The following ZFP30 variants were observed in gnomAD, a reference collection of about 807,000 sequenced individuals.
The protein encoded by ZFP30 is ZFP30 zinc finger protein, also known as zinc finger protein 30 homolog.
A neutral mutation model predicts 12.3 loss-of-function variants in ZFP30; 16 were observed. The observed-to-expected ratio is 1.30, with a 90% CI of 0.88 to 1.98. The LOEUF (loss-of-function observed/expected upper bound fraction) is 1.98. ZFP30 is among the 30% of genes most tolerant of loss of function. ZFP30 has a pLI of 0.00. For missense variants in ZFP30, 560 were observed against 611.2 expected, an observed-to-expected ratio of 0.92 and a Z score of 0.88; for synonymous variants, 172 against 201.0, an observed-to-expected ratio of 0.86 and a Z score of 1.22.
rs1170400053 is a variant in ZFP30 at position 37,635,494 on chromosome 19, A to C, written c.1047T>G (p.Thr349=). ...CCTTACAATCATAAGGCTTCTCACC[A>C]GTGTGAATTCTCTGATGGAGAGTAA... ...QQLTLHQRIH[T]GEKPYDCKEC... The change falls in exon 6 of 6, where the codon ACT becomes ACG. Residue 349 remains threonine, a synonymous_variant. Transcript: ENST00000684514. The C allele has an allele frequency of 6.2e-7, 1 of 1,613,984 alleles. No individual in the cohort carries two copies. The highest frequency in any genetic ancestry group is 1.3e-5 in the African/African-American group (1 of 74,902).
chr19:37,638,237 G>A (rs1407871076), intron 5 of ZFP30, among the ~76,000 whole-genome samples: 1 of 152,152 alleles, frequency 6.6e-6, no homozygotes, highest in Non-Finnish European at 1.5e-5. Flanking sequence ...GGTAATAAGA[G>A]TCTCTAAATA....
At chr19:37,640,613 G>A (rs1271962633) in intron 5 of ZFP30, among the ~76,000 whole-genome samples, 1 of 151,392 alleles carries the variant, frequency 6.6e-6, no homozygotes, top group Non-Finnish European at 1.5e-5. Context: ...GGGGCAGGGT[G>A]TGGTGGCTCA....
chr19:37,638,667 A>G (rs62108264), intron 5 of ZFP30, among the ~76,000 whole-genome samples: 4,377 of 152,344 alleles, frequency 0.029, 108 homozygotes, highest in East Asian at 0.09. Context: ...TTAACAAACT[A>G]CAACTACATG....
At chr19:37,648,224 G>A (rs1293279742) in intron 2 of ZFP30, among the ~76,000 whole-genome samples, 3 of 152,166 alleles carry the variant, frequency 2.0e-5, no homozygotes, top group African/African-American at 7.2e-5. Context: ...GTGCAGACCT[G>A]TCCTGAACAG....
At chr19:37,641,129 AATCT>A (rs1385288175) in intron 5 of ZFP30, among the ~76,000 whole-genome samples, 1 of 152,178 alleles carries the variant, frequency 6.6e-6, no homozygotes, top group Non-Finnish European at 1.5e-5. Context: ...TTCTCCAATC[AATCT>A]ATGTCTGAAT....
chr19:37,642,787 G>A (rs2044460411), intron 5 of ZFP30, among the ~76,000 whole-genome samples: 1 of 152,076 alleles, frequency 6.6e-6, no homozygotes. Flanking sequence ...CAGGCGCGGT[G>A]GCTCACGCCT....
In ZFP30 at chr19:37,643,348, G is replaced by A. The variant is rs750142776; in HGVS notation, c.152C>T (p.Ser51Phe). ...NLVSLAGCSISKPDVITLLEQ... is the reference protein window; with the variant it reads ...NLVSLAGCSIFKPDVITLLEQ... ...CAATAGGGTGATCACATCTGGCTTA[G>A]AAATAGAACATCCTGCTTAAAAATA... Residue 51 changes from serine (S) to phenylalanine (F), a missense_variant, in exon 5 of 6, where the codon TCT becomes TTT. Transcript: ENST00000684514. 4 of 1,588,926 alleles carry A rather than the reference G, an allele frequency of 2.5e-6. No homozygotes were observed. The highest frequency in any genetic ancestry group is 3.4e-6 in the Non-Finnish European group (4 of 1,168,544).
rs532517918 is a variant in ZFP30, at chr19:37,646,060, T to C, written c.10-1324A>G. ...AATAAACAATTCATAAGTTTTCAAC[T>C]CCATGCCATTCTGAGTAGCATGACG... On this transcript the variant is annotated intron_variant, in intron 3 of 5. Transcript: ENST00000684514. Among the ~76,000 whole-genome samples the C allele has an allele frequency of 9.2e-5, 14 of 152,290 alleles. No homozygotes were observed. In the South Asian group the frequency reaches 2.9e-3, roughly 32 times the overall value.
At chr19:37,638,782 A>G (rs572638974) in intron 5 of ZFP30, among the ~76,000 whole-genome samples, 60 of 152,342 alleles carry the variant, frequency 3.9e-4, no homozygotes, top group African/African-American at 1.4e-3. Context: ...AATGATAATT[A>G]ATAATCTATG....
Position 37,632,227 on chromosome 19 carries a change from T to C in ZFP30, c.*2754A>G, listed in dbSNP as rs1350929083. On this transcript the variant is annotated 3_prime_UTR_variant, in exon 6 of 6. Transcript: ENST00000684514. ...CAGCATGTGAAGTCAATTTTAGTAATTTTTACCATAAAATAATTCTGGATT... is the reference window on the plus strand; with the variant it reads ...CAGCATGTGAAGTCAATTTTAGTAACTTTTACCATAAAATAATTCTGGATT... 6.6e-6 allele frequency: 1 copy of C among 152,044 alleles called. No homozygotes were observed. The highest frequency in any genetic ancestry group is 1.9e-4 in the East Asian group (1 of 5,198). The allele number at this position is 152,044 out of a possible 1,614,324, so 9.4% of individuals were successfully genotyped here. A position where few individuals can be genotyped will look rare whatever the true frequency, so the allele number is the denominator to read the frequency against.
In ZFP30 at chr19:37,647,939, C is replaced by T. The variant is rs559797089; in HGVS notation, c.-77-40G>A. On this transcript the variant is annotated intron_variant, in intron 2 of 5. Coordinates refer to ENST00000684514, the MANE Select transcript of ZFP30 (RefSeq NM_001320669.3). ...TGTAAAATCATGAGAAGAGAACTGC[C>T]TCAGAGTTTCCAAATTTTAAAAACT... The T allele has an allele frequency of 8.1e-6, 10 of 1,229,030 alleles. No individual in the cohort carries two copies. The South Asian group carries it at 1.3e-4, about 16-fold the overall frequency. 76.1% of individuals were successfully genotyped at this position (1,229,030 alleles called of 1,614,324 possible). A position where few individuals can be genotyped will look rare whatever the true frequency, so the allele number is the denominator to read the frequency against.
rs144294637 is a variant in ZFP30, at chr19:37,635,000, C to T, written c.1541G>A (p.Arg514Gln). Residue 514 changes from arginine to glutamine, a missense_variant, in exon 6 of 6, where the codon CGA becomes CAA. Coordinates refer to ENST00000684514, the MANE Select transcript of ZFP30 (RefSeq NM_001320669.3). ...RQHSHLTYHQ[R>Q]IHNVT ...TAATTATTAAGTTACATTATGAATT[C>T]GCTGATGGTAAGTAAGATGTGAATG... 342 of 1,550,904 alleles carry T rather than the reference C, an allele frequency of 2.2e-4. No homozygotes were observed. The highest frequency in any genetic ancestry group is 1.7e-4 in the Non-Finnish European group (192 of 1,151,630).
Position 37,635,463 on chromosome 19 carries a change from C to G in ZFP30, c.1078G>C (p.Gly360Arg), listed in dbSNP as rs995731386. The change falls in exon 6 of 6, where the codon GGG (glycine) becomes CGG (arginine). Residue 360 changes from glycine to arginine, a missense_variant. Gly to Arg is a moderately radical substitution (Grantham distance 125). Transcript: ENST00000684514. ...TGATAGCCACGACTGAAAGTCTTCC[C>G]ACATTCCTTACAATCATAAGGCTTC... ...GEKPYDCKEC[G>R]KTFSRGYHLT... 4.3e-6 allele frequency: 7 copies of G among 1,614,116 alleles called. No homozygotes were observed. The highest frequency in any genetic ancestry group is 5.9e-6 in the Non-Finnish European group (7 of 1,180,018).
At chr19:37,646,548 T>C (rs2044547813) in intron 3 of ZFP30, among the ~76,000 whole-genome samples, 1 of 152,106 alleles carries the variant, frequency 6.6e-6, no homozygotes, top group South Asian at 2.1e-4. Flanking sequence ...ATGATTTATA[T>C]ATATATTCTT....
chr19:37,645,593 G>T (rs1444133811), intron 3 of ZFP30, among the ~76,000 whole-genome samples: 1 of 148,868 alleles, frequency 6.7e-6, no homozygotes, highest in African/African-American at 2.5e-5. Context: ...AACTTCCTAC[G>T]TACTATGGAA....
At chr19:37,645,438 CA>C (rs1250416199) in intron 3 of ZFP30, among the ~76,000 whole-genome samples, 1 of 151,704 alleles carries the variant, frequency 6.6e-6, no homozygotes, top group African/African-American at 2.4e-5. Context: ...CTTTGTATAC[CA>C]CATATGGTCT....
Position 37,635,396 on chromosome 19 carries a change from T to C in ZFP30, c.1145A>G (p.Tyr382Cys), listed in dbSNP as rs370350119. ...HQRIHTGEKP[Y>C]ECKECQKFFR... ...GAACTTCTGACATTCCTTACATTCA[T>C]AGGGCTTTTCACCAGTATGTATTCT... Residue 382 changes from tyrosine to cysteine, a missense_variant, in exon 6 of 6, where the codon TAT (tyrosine) becomes TGT (cysteine). By Grantham distance (194) the Tyr-to-Cys change is radical (BLOSUM62 -2). Transcript: ENST00000684514. 29 of 1,614,042 alleles carry C rather than the reference T, an allele frequency of 1.8e-5. No homozygotes were observed. The highest frequency in any genetic ancestry group is 2.3e-5 in the Non-Finnish European group (27 of 1,180,034).
chr19:37,643,233 T>TA (rs1312706654), intron 5 of ZFP30, 32 bp downstream of exon 5: 4 of 1,581,604 alleles, frequency 2.5e-6, no homozygotes, highest in East Asian at 4.5e-5. Flanking sequence ...GGCCATGCCA[T>TA]AATGGCTGAC....
intron 5 of ZFP30, among the ~76,000 whole-genome samples, chr19:37,639,784 T>C (rs752058325): frequency 1.8e-5 from 2 of 112,808 alleles, no homozygotes; most frequent in African/African-American, 3.1e-5. Context: ...TCCTGTAAAA[T>C]TTGAAGGTTT....
Sources: allele counts gnomAD v4.1 joint callset (sites outside exome capture counted in the v4.1 genomes callset), GRCh38; gene constraint gnomAD v4.1.1; transcripts MANE v1.5; gene names NCBI Gene and HGNC (gene_info 2026-07-23, HGNC 2026-07-21).